The following SRGAP3 variants were observed in gnomAD, a reference collection of about 807,000 sequenced individuals.
The protein encoded by SRGAP3 is SLIT-ROBO Rho GTPase activating protein 3, also known as SLIT-ROBO Rho GTPase-activating protein 3.
In SRGAP3, 39 loss-of-function variants were observed where a neutral mutation model predicts 121.1. That is an observed-to-expected ratio of 0.32 (90% CI 0.25 to 0.42). The LOEUF (loss-of-function observed/expected upper bound fraction) is 0.42, where lower values mean the gene tolerates loss of function less well. Among genes scored for constraint, SRGAP3 ranks in the 10% least tolerant of loss-of-function variants. The probability of loss-of-function intolerance (pLI) is 1.00; values close to 1 mark genes in which losing one functional copy is unlikely to be tolerated. For synonymous variants in SRGAP3, 601 were observed against 570.0 expected, an observed-to-expected ratio of 1.05 and a Z score of -0.77; for missense variants, 1,213 against 1,470.6, an observed-to-expected ratio of 0.82 and a Z score of 2.86.
chr3:8,981,700 T>C lies in SRGAP3; in HGVS notation c.*3819A>G, dbSNP rs1192973741. ...CTCTTTGTGTACCACAAACCGGTTT[T>C]AAATGTTTATAAGGCAGATCTCTGA... On this transcript the variant is annotated 3_prime_UTR_variant, in exon 22 of 22. Coordinates refer to ENST00000383836, the MANE Select transcript of SRGAP3 (RefSeq NM_014850.4). 1.7e-5 allele frequency: 4 copies of C among 230,926 alleles called. No homozygotes were observed. The highest frequency in any genetic ancestry group is 1.7e-4 in the Admixed American group (3 of 17,680). 14.3% of individuals were successfully genotyped at this position (230,926 alleles called of 1,614,324 possible). A position where few individuals can be genotyped will look rare whatever the true frequency, so the allele number is the denominator to read the frequency against.
intron 1 of SRGAP3, among the ~76,000 whole-genome samples, chr3:9,362,599 G>C (rs1292991390): frequency 6.6e-6 from 1 of 152,116 alleles, no homozygotes; most frequent in Non-Finnish European, 1.5e-5. Flanking sequence ...AGGCAACATA[G>C]TGAGCCCCAC....
intron 14 of SRGAP3, chr3:9,015,945 T>C: frequency 1.7e-6 from 1 of 593,488 alleles, no homozygotes. Context: ...GTTGTAAAAA[T>C]AAAATAATGA....
chr3:9,085,274 G>A (rs1264116156), intron 3 of SRGAP3, among the ~76,000 whole-genome samples: 1 of 152,182 alleles, frequency 6.6e-6, no homozygotes, highest in Non-Finnish European at 1.5e-5. Flanking sequence ...TCATTGTGGG[G>A]CAGAGAGGTC....
intron 1 of SRGAP3, among the ~76,000 whole-genome samples, chr3:9,223,030 TTG>T (rs1306683059): frequency 2.6e-5 from 4 of 152,228 alleles, no homozygotes; most frequent in African/African-American, 9.6e-5. Context: ...AGTGCAGTCC[TTG>T]TGTGAGACTC....
At chr3:9,031,719 G>T (rs1008946307) in intron 12 of SRGAP3, among the ~76,000 whole-genome samples, 2 of 152,214 alleles carry the variant, frequency 1.3e-5, no homozygotes, top group African/African-American at 4.8e-5. Flanking sequence ...AGCACGAGCA[G>T]CCTCCAAAAC....
intron 3 of SRGAP3, among the ~76,000 whole-genome samples, chr3:9,271,963 C>T (rs1192940235): frequency 6.6e-6 from 1 of 152,216 alleles, no homozygotes; most frequent in South Asian, 2.1e-4. Context: ...ATATGGCTAT[C>T]TTAATAACAA....
At chr3:9,213,877 T>C (rs992416936) in intron 1 of SRGAP3, among the ~76,000 whole-genome samples, 2 of 152,166 alleles carry the variant, frequency 1.3e-5, no homozygotes, top group Non-Finnish European at 2.9e-5. Context: ...CCCCAGGGAC[T>C]TTGCACTTGC....
At chr3:9,248,755 C>T in intron 1 of SRGAP3, 130 bp downstream of exon 1, 2 of 987,228 alleles carry the variant, frequency 2.0e-6, no homozygotes, top group East Asian at 2.6e-5. Flanking sequence ...TTACTCCTCA[C>T]AAAAAGATTA....
intron 3 of SRGAP3, among the ~76,000 whole-genome samples, chr3:9,260,500 G>T (rs565987610): frequency 6.6e-6 from 1 of 152,318 alleles, no homozygotes; most frequent in African/African-American, 2.4e-5. Context: ...TGAGTAGGTT[G>T]TTTTCCCCTT....
chr3:9,249,637 A>AGGCT lies in SRGAP3; in HGVS notation c.-690_-687dup. 1 of 235,746 alleles carries AGGCT rather than the reference A, an allele frequency of 4.2e-6. No homozygotes were observed. Among genetic ancestry groups the AGGCT allele is most frequent in the Non-Finnish European group, 8.4e-6 (1 of 119,360 alleles). 14.6% of individuals were successfully genotyped at this position (235,746 alleles called of 1,614,324 possible). On this transcript the variant is annotated 5_prime_UTR_variant, in exon 1 of 22. Transcript: ENST00000383836. ...CAACGCTTAAGCTCCGGTGAACACA[A>AGGCT]GGCTGGACTGCTCGCCCTGCAGGGC...
chr3:9,220,779 C>A (rs1461671388), intron 1 of SRGAP3, among the ~76,000 whole-genome samples: 2 of 152,172 alleles, frequency 1.3e-5, no homozygotes, highest in Non-Finnish European at 2.9e-5. Context: ...ATCACTGGCT[C>A]CCTAGATGAT....
intron 3 of SRGAP3, among the ~76,000 whole-genome samples, chr3:9,297,510 C>T (rs1219011521): frequency 6.6e-6 from 1 of 151,940 alleles, no homozygotes; most frequent in African/African-American, 2.4e-5. Context: ...CAGAATGTGA[C>T]TAAATTTGGA....
chr3:9,165,596 C>T (rs1013488955), intron 1 of SRGAP3, among the ~76,000 whole-genome samples: 2 of 152,220 alleles, frequency 1.3e-5, no homozygotes, highest in African/African-American at 2.4e-5. Flanking sequence ...TGTGAATTCT[C>T]TTAGTTCTTA....
At chr3:9,153,901 C>T (rs1022353219) in intron 1 of SRGAP3, among the ~76,000 whole-genome samples, 1 of 152,100 alleles carries the variant, frequency 6.6e-6, no homozygotes, top group African/African-American at 2.4e-5. Context: ...ATGGGATCTG[C>T]CTCTGAAGAA....
At chr3:9,118,551 G>A (rs865797710) in intron 2 of SRGAP3, among the ~76,000 whole-genome samples, 5 of 152,162 alleles carry the variant, frequency 3.3e-5, no homozygotes, top group East Asian at 1.9e-4. Flanking sequence ...TGGATTTGAC[G>A]CTGGTGAAGA....
chr3:9,284,401 CAAT>C (rs1954731429), intron 3 of SRGAP3, among the ~76,000 whole-genome samples: 1 of 152,220 alleles, frequency 6.6e-6, no homozygotes, highest in East Asian at 1.9e-4. Flanking sequence ...GCAAAGAATA[CAAT>C]GACTACTAGT....
rs1335731741 is a variant in SRGAP3, at chr3:9,239,907, C to G, written c.67+8978G>C. ...CCCAGATGATCCATGAATTGTGCAG[C>G]CTGACATATTCTAAAATGTAACTCA... On this transcript the variant is annotated intron_variant, in intron 1 of 21. Transcript: ENST00000383836. This position sits in a 1 kb window ranked among gnomAD's most constrained non-coding sequence, Gnocchi z 4.0. Among the ~76,000 whole-genome samples, 2 of 152,128 alleles carry G rather than the reference C, an allele frequency of 1.3e-5. No individual in the cohort carries two copies. Among genetic ancestry groups the G allele is most frequent in the African/African-American group, 4.8e-5 (2 of 41,420 alleles).
intron 1 of SRGAP3, among the ~76,000 whole-genome samples, chr3:9,352,642 C>T (rs935126003): frequency 1.3e-5 from 2 of 152,130 alleles, no homozygotes; most frequent in Admixed American, 6.5e-5. Context: ...CCTAACAGCA[C>T]ATTTCTCGGA....
rs139794376 is a variant in SRGAP3, at chr3:9,123,098, A to G, written c.260+1627T>C. On this transcript the variant is annotated intron_variant, in intron 2 of 21. Transcript: ENST00000383836. The stretch of plus-strand genomic sequence containing the variant: ...CCAGTCACAAAGAGACAAATATTGT[A>G]TAATTGCACTTATATGACATATCTA... 4.7e-4 allele frequency among the ~76,000 whole-genome samples: 71 copies of G among 152,362 alleles called. 3 individuals are homozygous for G. Among genetic ancestry groups the G allele is most frequent in the African/African-American group, 1.6e-3 (68 of 41,578 alleles).
Sources: gnomAD v4.1 joint callset for allele counts (sites outside exome capture counted in the v4.1 genomes callset) on GRCh38, gnomAD v4.1.1 for gene constraint, Gnocchi (gnomAD v3.1) non-coding constraint, MANE v1.5 for transcripts, NCBI Gene and HGNC (gene_info 2026-07-23, HGNC 2026-07-21) for gene names.